NEK10: variants seen among roughly 807,000 people sequenced by gnomAD.
The protein encoded by NEK10 is NIMA related kinase 10, also known as serine/threonine-protein kinase Nek10.
In NEK10, 122 loss-of-function variants were observed where a neutral mutation model predicts 159.8. That is an observed-to-expected ratio of 0.76 (90% confidence interval 0.66 to 0.89). NEK10 has a LOEUF of 0.89. NEK10 is among the 40% of genes least tolerant of loss of function. The pLI is 0.00. For missense variants in NEK10, 1,342 were observed against 1,323.1 expected (o/e 1.01, Z -0.22); for synonymous variants, 466 against 457.1 (o/e 1.02, Z -0.25).
intron 1 of NEK10, among the ~76,000 whole-genome samples, chr3:27,364,036 A>G (rs3845992): frequency 0.99 from 150,119 of 151,874 alleles, 74,193 homozygotes; most frequent in East Asian, 1. Context: ...TAGAACCGTC[A>G]ACAACTAGAT....
At chr3:27,190,024 A>C (rs921522998) in intron 26 of NEK10, among the ~76,000 whole-genome samples, 11 of 152,174 alleles carry the variant, frequency 7.2e-5, no homozygotes, top group African/African-American at 2.7e-4. Context: ...AACAAGTTCC[A>C]TCAACAAACT....
At chr3:27,259,651 G>T (rs1364007669) in intron 22 of NEK10, among the ~76,000 whole-genome samples, 1 of 152,172 alleles carries the variant, frequency 6.6e-6, no homozygotes, top group Non-Finnish European at 1.5e-5. Flanking sequence ...GTCAGGTAGA[G>T]TGATGCCTCC....
At chr3:27,348,324 A>G (rs922366234) in intron 3 of NEK10, among the ~76,000 whole-genome samples, 3 of 152,200 alleles carry the variant, frequency 2.0e-5, no homozygotes, top group African/African-American at 7.2e-5. Flanking sequence ...AGAGGAGTGG[A>G]AAGCTGCCGC....
intron 1 of NEK10, among the ~76,000 whole-genome samples, chr3:27,353,764 A>G (rs1458211357): frequency 6.6e-6 from 1 of 152,100 alleles, no homozygotes; most frequent in African/African-American, 2.4e-5. Flanking sequence ...CAGACTGAAA[A>G]CTGCTAAAAG....
Position 27,291,309 on chromosome 3 carries a change from C to T in NEK10, c.1558G>A (p.Ala520Thr). ...KAPLKYIGNY[A>T]ILDHLGSGAF... ...CCACTTCCAAGATGATCCAAAATTG[C>T]ATAGTTGCCTATATATTTCAAAGGA... is the stretch of plus-strand genomic sequence containing the variant. Residue 520 changes from alanine (A) to threonine (T), a missense_variant, in exon 18 of 36, where the codon GCA (alanine) becomes ACA (threonine). Ala to Thr is a moderately conservative substitution (Grantham distance 58). Transcript: ENST00000691995. 1 of 1,613,654 alleles carries T rather than the reference C, an allele frequency of 6.2e-7. No individual in the cohort carries two copies. Among genetic ancestry groups the T allele is most frequent in the Non-Finnish European group, 8.5e-7 (1 of 1,179,718 alleles).
At chr3:27,169,123 TACCTACA>T (rs1156636672) in intron 29 of NEK10, among the ~76,000 whole-genome samples, 2 of 152,240 alleles carry the variant, frequency 1.3e-5, no homozygotes, top group Admixed American at 1.3e-4. Flanking sequence ...AGGGCCAAGA[TACCTACA>T]TTCATCTGAT....
chr3:27,158,727 G>C (rs1945737929), intron 30 of NEK10, among the ~76,000 whole-genome samples: 1 of 152,074 alleles, frequency 6.6e-6, no homozygotes, highest in South Asian at 2.1e-4. Flanking sequence ...AGTCAAATTA[G>C]GCCAGATTTT....
In NEK10 at chr3:27,290,673, C is replaced by A. The variant is rs746153882; in HGVS notation, c.1687G>T (p.Asp563Tyr). Residue 563 changes from aspartate to tyrosine, a missense_variant, in exon 19 of 36, where the codon GAT (aspartate) becomes TAT (tyrosine). Physicochemically the swap from Asp to Tyr is radical, Grantham distance 160 (BLOSUM62 -3). Coordinates refer to ENST00000691995, the MANE Select transcript of NEK10 (RefSeq NM_001394966.1). ...ATATTCCTTACGCTGCTGTCTCGAT[C>A]TTTCTTATCCTTTCCAAATGCTGGG... ...HNPAFGKDKK[D>Y]RDSSVRNIVS... 4 of 1,607,312 alleles carry A rather than the reference C, an allele frequency of 2.5e-6. No homozygotes were observed. Among genetic ancestry groups the A allele is most frequent in the Non-Finnish European group, 8.5e-7 (1 of 1,174,622 alleles).
chr3:27,349,963 T>C (rs2047848345), intron 3 of NEK10, among the ~76,000 whole-genome samples: 1 of 152,060 alleles, frequency 6.6e-6, no homozygotes, highest in East Asian at 1.9e-4. Context: ...AGAACAAAAG[T>C]AGAACACTGG....
intron 23 of NEK10, among the ~76,000 whole-genome samples, chr3:27,207,891 GAGGTGACATA>G (rs1439162953): frequency 6.6e-6 from 1 of 152,152 alleles, no homozygotes; most frequent in Non-Finnish European, 1.5e-5. Flanking sequence ...ATTCTGACCT[GAGGTGACATA>G]ATTAAGTCTG....
At chr3:27,137,300 A>G (rs985244261) in intron 31 of NEK10, among the ~76,000 whole-genome samples, 3 of 152,188 alleles carry the variant, frequency 2.0e-5, no homozygotes, top group Admixed American at 2.0e-4. Flanking sequence ...TAAGATATTT[A>G]TAATAGTTTT....
chr3:27,319,791 C>T (rs896664837), intron 6 of NEK10, among the ~76,000 whole-genome samples: 2 of 152,144 alleles, frequency 1.3e-5, no homozygotes, highest in Non-Finnish European at 2.9e-5. Context: ...AATAAGATAG[C>T]TCCCACTGGG....
At chr3:27,127,837 CA>C (rs1366917355) in intron 32 of NEK10, among the ~76,000 whole-genome samples, 3 of 152,062 alleles carry the variant, frequency 2.0e-5, no homozygotes, top group African/African-American at 7.2e-5. Flanking sequence ...TTAATCTTTA[CA>C]GGCAATCCCT....
intron 23 of NEK10, among the ~76,000 whole-genome samples, chr3:27,210,424 G>A (rs554896795): frequency 2.6e-5 from 4 of 152,022 alleles, no homozygotes; most frequent in African/African-American, 4.8e-5. Context: ...ATGATCTAGC[G>A]ATCTCTTAAA....
intron 23 of NEK10, among the ~76,000 whole-genome samples, chr3:27,237,000 G>A (rs1953994655): frequency 6.6e-6 from 1 of 152,042 alleles, no homozygotes; most frequent in Non-Finnish European, 1.5e-5. Flanking sequence ...CTCCCAAAGT[G>A]GCCGTTTATA....
chr3:27,183,379 CT>C (rs1948315694), intron 26 of NEK10, among the ~76,000 whole-genome samples: 1 of 148,562 alleles, frequency 6.7e-6, no homozygotes, highest in Admixed American at 6.8e-5. Flanking sequence ...GCTGGAAAAA[CT>C]GGATACCCAA....
At chr3:27,122,756 G>C (rs572454509) in intron 32 of NEK10, among the ~76,000 whole-genome samples, 3 of 152,080 alleles carry the variant, frequency 2.0e-5, no homozygotes, top group African/African-American at 7.2e-5. Flanking sequence ...AGATTTCAAA[G>C]ACAGAAAGAT....
At chr3:27,262,375 G>C (rs2149356072) in intron 22 of NEK10, among the ~76,000 whole-genome samples, 1 of 152,170 alleles carries the variant, frequency 6.6e-6, no homozygotes, top group Non-Finnish European at 1.5e-5. Flanking sequence ...TTAAATGTTG[G>C]CCTGCCTTGC....
chr3:27,169,219 C>A (rs1946738473), intron 29 of NEK10, among the ~76,000 whole-genome samples: 1 of 152,172 alleles, frequency 6.6e-6, no homozygotes, highest in Admixed American at 6.5e-5. Context: ...AACTAAAATA[C>A]TTGCTTTGTT....
Sources: gnomAD v4.1 joint callset for allele counts (sites outside exome capture counted in the v4.1 genomes callset) on GRCh38, gnomAD v4.1.1 for gene constraint, MANE v1.5 for transcripts, NCBI Gene and HGNC (gene_info 2026-07-23, HGNC 2026-07-21) for gene names.